Variants in DPYS observed in about 807,000 individuals in gnomAD.
DPYS encodes the protein dihydropyrimidine amidohydrolase.
Under a neutral mutation model 50.3 loss-of-function variants are expected in DPYS, and 39 were observed. That is an observed-to-expected ratio of 0.78 (90% CI 0.60 to 1.01). The LOEUF is 1.01. DPYS is among the 50% of genes least tolerant of loss of function. The probability of loss-of-function intolerance (pLI) is 0.00; values close to 1 mark genes in which losing one functional copy is unlikely to be tolerated. For missense variants in DPYS, 659 were observed against 680.9 expected, an observed-to-expected ratio of 0.97 and a Z score of 0.36; for synonymous variants, 245 against 250.7, an observed-to-expected ratio of 0.98 and a Z score of 0.22.
chr8:104,448,903 C>T (rs148198499), intron 2 of DPYS, among the ~76,000 whole-genome samples: 99 of 152,312 alleles, frequency 6.5e-4, no homozygotes, highest in African/African-American at 2.2e-3. Context: ...CCCGGCATAG[C>T]AGTCCTTACT....
chr8:104,382,578 A>G (rs1811092754), intron 8 of DPYS, among the ~76,000 whole-genome samples: 1 of 142,882 alleles, frequency 7.0e-6, no homozygotes, highest in South Asian at 2.2e-4. Flanking sequence ...TTGACTTTCC[A>G]AGCCAGACTG....
At chr8:104,385,099 G>T (rs1811171296) in intron 8 of DPYS, among the ~76,000 whole-genome samples, 1 of 152,252 alleles carries the variant, frequency 6.6e-6, no homozygotes, top group South Asian at 2.1e-4. Context: ...TTGATCTCCA[G>T]ACTCCTTTAT....
At chr8:104,403,611 C>A (rs1289890459) in intron 7 of DPYS, among the ~76,000 whole-genome samples, 1 of 152,190 alleles carries the variant, frequency 6.6e-6, no homozygotes, top group Non-Finnish European at 1.5e-5. Flanking sequence ...GACTTCTAAA[C>A]TTAACTCTTT....
chr8:104,392,726 A>G, intron 8 of DPYS, 58 bp downstream of exon 8: 1 of 1,601,778 alleles, frequency 6.2e-7, no homozygotes, highest in Non-Finnish European at 8.5e-7. Context: ...AACCAGCCAG[A>G]CATCCAGAAG....
intron 2 of DPYS, among the ~76,000 whole-genome samples, chr8:104,449,646 T>C (rs1813662842): frequency 6.6e-6 from 1 of 152,218 alleles, no homozygotes; most frequent in African/African-American, 2.4e-5. Flanking sequence ...CCAATGTAAC[T>C]GCTGCCCTTA....
intron 8 of DPYS, among the ~76,000 whole-genome samples, chr8:104,381,714 T>C (rs1025658625): frequency 9.9e-5 from 15 of 152,202 alleles, no homozygotes; most frequent in Admixed American, 2.6e-4. Flanking sequence ...ATTCTAGCAA[T>C]TGGGTACGCT....
At position 104,403,613 on chromosome 8, in the gene DPYS, TAACTC is replaced by T. The variant is rs1235986505; in HGVS notation, c.1236-10627_1236-10623del. 2.0e-5 allele frequency among the ~76,000 whole-genome samples: 3 copies of T among 152,302 alleles called. No individual in the cohort carries two copies. In the East Asian group the frequency reaches 5.8e-4, roughly 29 times the overall value. ...GAAATGTCTGGGGGACTTCTAAACT[TAACTC>T]TTTTTTTTGAAAGGAAGAAGATGAC... On this transcript the variant is annotated intron_variant, in intron 7 of 9. Transcript: ENST00000351513.
At chr8:104,418,128 T>C (rs1322886441) in intron 7 of DPYS, among the ~76,000 whole-genome samples, 1 of 152,242 alleles carries the variant, frequency 6.6e-6, no homozygotes, top group Non-Finnish European at 1.5e-5. Flanking sequence ...GCATCCGTTC[T>C]CCAGAGGCTG....
At chr8:104,399,317 C>CA (rs1168182202) in intron 7 of DPYS, among the ~76,000 whole-genome samples, 2,323 of 125,286 alleles carry the variant, frequency 0.019, 137 homozygotes, top group Middle Eastern at 0.042. Context: ...AAAACAACAA[C>CA]AAAAAAAAAC....
chr8:104,451,399 A>C lies in DPYS; in HGVS notation c.270T>G (p.Ala90=), dbSNP rs750305875. Residue 90 remains alanine, a synonymous_variant, in exon 2 of 10, where the codon GCT becomes GCG. Transcript: ENST00000351513. The part of the protein sequence containing the change: ...IDDFHQGTKA[A]LSGGTTMIID... ...TAATCATGGTGGTGCCTCCTGAGAG[A>C]GCAGCCTGGAATCATAAGAGGTTTT... 2.6e-5 allele frequency: 42 copies of C among 1,614,046 alleles called. No individual in the cohort carries two copies. The highest frequency in any genetic ancestry group is 5.0e-5 in the Admixed American group (3 of 59,986).
chr8:104,427,949 G>A (rs1432644877), intron 6 of DPYS, 31 bp downstream of exon 6: 1 of 1,613,422 alleles, frequency 6.2e-7, no homozygotes, highest in South Asian at 1.1e-5. Flanking sequence ...GAAGAACTAG[G>A]CAAAGCAAGG....
At chr8:104,381,628 T>C (rs144004770) in intron 8 of DPYS, among the ~76,000 whole-genome samples, 8 of 152,252 alleles carry the variant, frequency 5.3e-5, no homozygotes, top group African/African-American at 1.7e-4. Flanking sequence ...CCTTTTCTTC[T>C]AGTTTCAGTC....
intron 8 of DPYS, among the ~76,000 whole-genome samples, chr8:104,387,818 G>C (rs1218397990): frequency 6.6e-6 from 1 of 152,198 alleles, no homozygotes; most frequent in Non-Finnish European, 1.5e-5. Flanking sequence ...CCTGTGTGTA[G>C]TGATGTGTTG....
intron 4 of DPYS, among the ~76,000 whole-genome samples, chr8:104,436,793 G>C (rs1379002887): frequency 6.6e-6 from 1 of 152,020 alleles, no homozygotes; most frequent in Non-Finnish European, 1.5e-5. Flanking sequence ...CCAGGAGTTC[G>C]AGACCAGGCT....
intron 7 of DPYS, among the ~76,000 whole-genome samples, chr8:104,402,393 G>A (rs1811849943): frequency 6.6e-6 from 1 of 152,196 alleles, no homozygotes; most frequent in South Asian, 2.1e-4. Flanking sequence ...AGCCAAGCTA[G>A]CATGATACTA....
At chr8:104,406,060 G>A (rs575759522) in intron 7 of DPYS, among the ~76,000 whole-genome samples, 1 of 152,304 alleles carries the variant, frequency 6.6e-6, no homozygotes, top group African/African-American at 2.4e-5. Context: ...CTCCCCCTGG[G>A]TTACACCGTC....
At chr8:104,448,051 G>A (rs1267889725) in intron 2 of DPYS, among the ~76,000 whole-genome samples, 1 of 152,222 alleles carries the variant, frequency 6.6e-6, no homozygotes, top group African/African-American at 2.4e-5. Context: ...GCTCCTAGGA[G>A]GTGACAGCTG....
At chr8:104,405,087 A>G (rs369971146) in intron 7 of DPYS, among the ~76,000 whole-genome samples, 12 of 152,240 alleles carry the variant, frequency 7.9e-5, no homozygotes, top group African/African-American at 2.9e-4. Context: ...GGATGGGGAA[A>G]AAAAAGTGAC....
chr8:104,462,458 C>G (rs920717613), intron 1 of DPYS, among the ~76,000 whole-genome samples: 1 of 152,070 alleles, frequency 6.6e-6, no homozygotes, highest in African/African-American at 2.4e-5. Flanking sequence ...TGGCATTTTA[C>G]CAAAAAGTTT....
Sources: allele counts gnomAD v4.1 joint callset (sites outside exome capture counted in the v4.1 genomes callset), GRCh38; gene constraint gnomAD v4.1.1; transcripts MANE v1.5; gene names NCBI Gene and HGNC (gene_info 2026-07-23, HGNC 2026-07-21).